Variants in GALNT13 observed in about 807,000 individuals in gnomAD.
The protein encoded by GALNT13 is polypeptide N-acetylgalactosaminyltransferase 13.
A neutral mutation model predicts 64.2 loss-of-function variants in GALNT13; 28 were observed. The ratio of observed to expected loss-of-function variants is 0.44; its 90% CI spans 0.32 to 0.60. GALNT13 has a LOEUF of 0.60. Among genes scored for constraint, GALNT13 ranks in the 20% least tolerant of loss-of-function variants. GALNT13 has a pLI of 0.05. For synonymous variants in GALNT13, 214 were observed against 224.6 expected, an observed-to-expected ratio of 0.95 and a Z score of 0.42; for missense variants, 577 against 669.8, an observed-to-expected ratio of 0.86 and a Z score of 1.53.
intron 1 of GALNT13, among the ~76,000 whole-genome samples, chr2:153,900,186 T>A (rs1004537938): frequency 6.6e-6 from 1 of 152,084 alleles, no homozygotes; most frequent in African/African-American, 2.4e-5. Flanking sequence ...TATATGTCTT[T>A]GAACAGTTCT....
At chr2:153,327,029 A>T in the GALNT13 span, among the ~76,000 whole-genome samples, 2 of 152,122 alleles carry the variant, frequency 1.3e-5, no homozygotes, top group Non-Finnish European at 2.9e-5. Flanking sequence ...GGTTGCAGTG[A>T]GCCGAGATAG....
At position 154,252,992 on chromosome 2, in the gene GALNT13, A is replaced by G. The variant is rs373073249; in HGVS notation, c.858-6029A>G. 8.8e-4 allele frequency among the ~76,000 whole-genome samples: 134 copies of G among 152,310 alleles called. 3 individuals carry two copies. In the East Asian group the frequency reaches 0.019, roughly 22 times the overall value. ...AAATTAATTGGACCCAGAAAACAAT[A>G]AAAATGAAGCAACTTATAATCTTGG... On this transcript the variant is annotated intron_variant, in intron 7 of 12. Coordinates refer to ENST00000392825, the MANE Select transcript of GALNT13 (RefSeq NM_052917.4).
chr2:153,692,110 A>G, the GALNT13 span, among the ~76,000 whole-genome samples: 1 of 152,188 alleles, frequency 6.6e-6, no homozygotes, highest in Non-Finnish European at 1.5e-5. Context: ...CAAATACAAT[A>G]TTGAGCAAAT....
At chr2:153,478,544 G>C in the GALNT13 span, 6 of 1,601,778 alleles carry the variant, frequency 3.7e-6, no homozygotes, top group African/African-American at 1.3e-5. Flanking sequence ...ACGTCCGTCT[G>C]GTTGCCTAGG....
the GALNT13 span, among the ~76,000 whole-genome samples, chr2:153,725,025 T>G: frequency 6.6e-6 from 1 of 151,098 alleles, no homozygotes; most frequent in African/African-American, 2.4e-5. Flanking sequence ...ATTGCAGCAT[T>G]ATTCACAATA....
At chr2:153,361,378 G>A in the GALNT13 span, among the ~76,000 whole-genome samples, 1 of 152,142 alleles carries the variant, frequency 6.6e-6, no homozygotes, top group East Asian at 1.9e-4. Context: ...TAAATGAATT[G>A]ACAGAAGTAC....
chr2:154,140,688 A>G (rs958217173), intron 4 of GALNT13, among the ~76,000 whole-genome samples, 183 bp downstream of exon 4: 2 of 152,124 alleles, frequency 1.3e-5, no homozygotes. Flanking sequence ...TTCCCTGGCA[A>G]AGAAAAATAC....
the GALNT13 span, among the ~76,000 whole-genome samples, chr2:153,473,468 G>A: frequency 2.6e-5 from 4 of 152,066 alleles, no homozygotes; most frequent in Non-Finnish European, 4.4e-5. Flanking sequence ...GATTGGCCAT[G>A]GAAACAACTT....
chr2:154,299,912 AAAT>A, intron 8 of GALNT13, among the ~76,000 whole-genome samples: 1 of 152,076 alleles, frequency 6.6e-6, no homozygotes, highest in South Asian at 2.1e-4. Context: ...TAAAATAAAA[AAAT>A]AGATTTACAT....
the GALNT13 span, among the ~76,000 whole-genome samples, chr2:153,313,010 G>A: frequency 0.11 from 16,360 of 152,078 alleles, 1,065 homozygotes; most frequent in East Asian, 0.2. Context: ...CACACCAATC[G>A]GAATGGCTGT....
At chr2:153,455,072 A>G in the GALNT13 span, among the ~76,000 whole-genome samples, 1 of 152,168 alleles carries the variant, frequency 6.6e-6, no homozygotes, top group South Asian at 2.1e-4. Flanking sequence ...AAGTGTTTAC[A>G]TTGGGGATAG....
chr2:153,472,287 T>G, the GALNT13 span, among the ~76,000 whole-genome samples: 1 of 152,098 alleles, frequency 6.6e-6, no homozygotes, highest in African/African-American at 2.4e-5. Flanking sequence ...AACTATAACC[T>G]TCTCTCTCTG....
the GALNT13 span, among the ~76,000 whole-genome samples, chr2:153,725,512 C>G: frequency 6.6e-6 from 1 of 151,192 alleles, no homozygotes; most frequent in Non-Finnish European, 1.5e-5. Flanking sequence ...GCTAATATGA[C>G]TAAGATGCAG....
At chr2:153,487,585 C>G in the GALNT13 span, among the ~76,000 whole-genome samples, 1 of 152,130 alleles carries the variant, frequency 6.6e-6, no homozygotes, top group Non-Finnish European at 1.5e-5. Context: ...ATTATGGTAG[C>G]CTGTGATAAA....
At chr2:153,193,680 C>A in the GALNT13 span, among the ~76,000 whole-genome samples, 1 of 150,954 alleles carries the variant, frequency 6.6e-6, no homozygotes, top group Non-Finnish European at 1.5e-5. Flanking sequence ...AATCCTGTCT[C>A]TTCCTCATTT....
chr2:153,956,870 A>G (rs1692604148), intron 3 of GALNT13, among the ~76,000 whole-genome samples: 1 of 152,224 alleles, frequency 6.6e-6, no homozygotes, highest in South Asian at 2.1e-4. Flanking sequence ...TCACTATTTA[A>G]GCATCTATTC....
At chr2:153,693,581 G>A in the GALNT13 span, among the ~76,000 whole-genome samples, 2 of 152,006 alleles carry the variant, frequency 1.3e-5, no homozygotes, top group African/African-American at 2.4e-5. Context: ...AGAATGCGTG[G>A]CCTGTACTTT....
the GALNT13 span, among the ~76,000 whole-genome samples, chr2:153,218,079 A>G: frequency 2.0e-5 from 3 of 152,080 alleles, no homozygotes; most frequent in African/African-American, 7.2e-5. Context: ...TCCTCTTGGT[A>G]TATTTTGTGT....
At chr2:154,155,686 C>T (rs192508535) in intron 4 of GALNT13, among the ~76,000 whole-genome samples, 31 of 152,056 alleles carry the variant, frequency 2.0e-4, no homozygotes, top group African/African-American at 7.2e-4. Flanking sequence ...TTAATATTCT[C>T]ATCAGCTTGC....
Sources: allele counts gnomAD v4.1 joint callset (sites outside exome capture counted in the v4.1 genomes callset), GRCh38; gene constraint gnomAD v4.1.1; transcripts MANE v1.5; gene names NCBI Gene and HGNC (gene_info 2026-07-23, HGNC 2026-07-21).